Variants in ATP1A1 observed in about 807,000 individuals in gnomAD.
ATP1A1 encodes the protein ATPase Na+/K+ transporting subunit alpha 1.
In ATP1A1, 14 loss-of-function variants were observed where a neutral mutation model predicts 114.8. The observed-to-expected ratio is 0.12, with a 90% CI of 0.08 to 0.19. The LOEUF (loss-of-function observed/expected upper bound fraction) is 0.19, where lower values mean the gene tolerates loss of function less well. ATP1A1 is among the 10% of genes least tolerant of loss of function. ATP1A1 has a pLI of 1.00. For synonymous variants in ATP1A1, 471 were observed against 466.3 expected, an observed-to-expected ratio of 1.01 and a Z score of -0.13; for missense variants, 524 against 1,290.7, an observed-to-expected ratio of 0.41 and a Z score of 9.10.
rs1307576180 is a variant in ATP1A1, at chr1:116,401,831, GA to G, written c.2951+177del. On this transcript the variant is annotated intron_variant, in intron 21 of 22. Transcript: ENST00000295598. The surrounding 1 kb of genome is among the most constrained non-coding windows in gnomAD (Gnocchi z 4.7). ...TCAGTAAATCAGACTAACAAATCCT[GA>G]GGCTTCCATGATAGCAGCTAGTGTT... 2 of 639,558 alleles carry G rather than the reference GA, an allele frequency of 3.1e-6. No individual in the cohort carries two copies. The highest frequency in any genetic ancestry group is 2.7e-5 in the East Asian group (1 of 36,940). The allele number at this position is 639,558 out of a possible 1,614,324, so 39.6% of individuals were successfully genotyped here. A position where few individuals can be genotyped will look rare whatever the true frequency, so the allele number is the denominator to read the frequency against.
chr1:116,395,240 G>A lies in ATP1A1; in HGVS notation c.1791G>A (p.Ala597=), dbSNP rs964739335. The change falls in exon 13 of 23, where the codon GCG becomes GCA. Residue 597 remains alanine (A), a synonymous_variant. Coordinates refer to ENST00000295598, the MANE Select transcript of ATP1A1 (RefSeq NM_000701.8). The surrounding 1 kb of genome is among the most constrained non-coding windows in gnomAD (Gnocchi z 6.4). ...TCTCCATGATTGACCCTCCACGGGCGGCCGTTCCTGATGCCGTGGGCAAAT... is the reference window on the plus strand; with the variant it reads ...TCTCCATGATTGACCCTCCACGGGCAGCCGTTCCTGATGCCGTGGGCAAAT... ...GLISMIDPPR[A]AVPDAVGKCR... is the part of the protein sequence containing the mutation. 8.1e-6 allele frequency: 13 copies of A among 1,613,928 alleles called. No individual in the cohort carries two copies. Among genetic ancestry groups the A allele is most frequent in the African/African-American group, 2.7e-5 (2 of 74,900 alleles).
At chr1:116,383,099 T>C (rs1651852847) in intron 1 of ATP1A1, among the ~76,000 whole-genome samples, 1 of 152,152 alleles carries the variant, frequency 6.6e-6, no homozygotes. Flanking sequence ...GAATCAACAT[T>C]TTCTTTAAAA....
chr1:116,396,544 T>A, intron 13 of ATP1A1, 54 bp from the exon 14 acceptor site: 1 of 1,605,486 alleles, frequency 6.2e-7, no homozygotes, highest in Non-Finnish European at 8.5e-7. Context: ...GATATAAGAC[T>A]TTAAGGTCAT....
At chr1:116,400,410 A>T (rs896268218) in intron 18 of ATP1A1, among the ~76,000 whole-genome samples, 2 of 152,066 alleles carry the variant, frequency 1.3e-5, no homozygotes, top group African/African-American at 4.8e-5. Context: ...CAGGGGGAGG[A>T]GGGTCCTGAA....
Position 116,387,397 on chromosome 1 carries a change from G to C in ATP1A1, c.293G>C (p.Gly98Ala). 6.2e-7 allele frequency: 1 copy of C among 1,614,206 alleles called. No homozygotes were observed. The highest frequency in any genetic ancestry group is 8.5e-7 in the Non-Finnish European group (1 of 1,180,040). Residue 98 changes from glycine (G) to alanine (A), a missense_variant, in exon 4 of 23, where the codon GGG becomes GCG. Coordinates refer to ENST00000295598, the MANE Select transcript of ATP1A1 (RefSeq NM_000701.8). The surrounding 1 kb of genome is among the most constrained non-coding windows in gnomAD (Gnocchi z 6.7). ...EWIKFCRQLF[G>A]GFSMLLWIGA... ...ATCAAGTTTTGTCGGCAGCTCTTTG[G>C]GGGGTTCTCAATGTTACTGTGGATT...
chr1:116,393,175 CA>C lies in ATP1A1; in HGVS notation c.1467+191del, dbSNP rs1395701964. On this transcript the variant is annotated intron_variant, in intron 11 of 22. Coordinates refer to ENST00000295598, the MANE Select transcript of ATP1A1 (RefSeq NM_000701.8). The surrounding 1 kb of genome is among the most constrained non-coding windows in gnomAD (Gnocchi z 5.0). The stretch of plus-strand genomic sequence containing the variant: ...TCAGCAGGATAAATGAAGCCTCTTG[CA>C]AAACACTGTTGAGCCCTTTTGAATA... The C allele has an allele frequency of 1.1e-6, 1 of 951,036 alleles. No individual in the cohort carries two copies. The highest frequency in any genetic ancestry group is 1.5e-6 in the Non-Finnish European group (1 of 658,940). 58.9% of individuals were successfully genotyped at this position (951,036 alleles called of 1,614,324 possible). A position where few individuals can be genotyped will look rare whatever the true frequency, so the allele number is the denominator to read the frequency against.
Position 116,397,484 on chromosome 1 carries a change from TA to T in ATP1A1, c.1974-402del, listed in dbSNP as rs1322931822. Reference sequence around the variant, plus strand: ...ACAGGCCCCAACCACCATGCCCGGCTAATTTTTGAATTTTTAGACCACCATT... The same window carrying T: ...ACAGGCCCCAACCACCATGCCCGGCTATTTTTGAATTTTTAGACCACCATT... On this transcript the variant is annotated intron_variant, in intron 14 of 22. Transcript: ENST00000295598. This position sits in a 1 kb window ranked among gnomAD's most constrained non-coding sequence, Gnocchi z 4.2. Among the ~76,000 whole-genome samples the T allele has an allele frequency of 4.6e-5, 7 of 152,044 alleles. No individual in the cohort carries two copies. Among genetic ancestry groups the T allele is most frequent in the African/African-American group, 1.7e-4 (7 of 41,386 alleles).
chr1:116,373,559 G>C lies in ATP1A1; in HGVS notation c.12+36G>C, dbSNP rs1296757580. 8.4e-6 allele frequency: 12 copies of C among 1,428,394 alleles called. 1 individual carries two copies. The highest frequency in any genetic ancestry group is 1.1e-5 in the Non-Finnish European group (12 of 1,091,454). 88.5% of individuals were successfully genotyped at this position (1,428,394 alleles called of 1,614,324 possible). ...GGCGCGCCCGGGGAGGGGGCTCGGG[G>C]AGCCCTCGAGGGGAAGAGGAGGAAG... On this transcript the variant is annotated intron_variant, in intron 1 of 22. Transcript: ENST00000295598.
In ATP1A1 at chr1:116,388,524, T is replaced by C. The variant is rs1480515254; in HGVS notation, c.502-114T>C. On this transcript the variant is annotated intron_variant, in intron 5 of 22. Coordinates refer to ENST00000295598, the MANE Select transcript of ATP1A1 (RefSeq NM_000701.8). The surrounding 1 kb of genome is among the most constrained non-coding windows in gnomAD (Gnocchi z 5.6). ...CTTGTGTAAATAAAAAAGTGAATAATATCTTTGTTTTGTATTCAGGTAATT... is the reference window on the plus strand; with the variant it reads ...CTTGTGTAAATAAAAAAGTGAATAACATCTTTGTTTTGTATTCAGGTAATT... 7.2e-6 allele frequency: 10 copies of C among 1,391,712 alleles called. No homozygotes were observed. The highest frequency in any genetic ancestry group is 9.8e-6 in the Non-Finnish European group (10 of 1,025,024). The allele number at this position is 1,391,712 out of a possible 1,614,324, so 86.2% of individuals were successfully genotyped here.
chr1:116,373,958 C>A, intron 1 of ATP1A1: 1 of 1,354,186 alleles, frequency 7.4e-7, no homozygotes, highest in South Asian at 1.8e-5. Flanking sequence ...TTCCTTTTCC[C>A]TCCGCCCTCC....
At position 116,392,920 on chromosome 1, in the gene ATP1A1, G is replaced by A; in HGVS notation, c.1399G>A (p.Val467Met). The change falls in exon 11 of 23, where the codon GTG becomes ATG. Residue 467 changes from valine to methionine, a missense_variant. Transcript: ENST00000295598. ...LKCIELCCGS[V>M]KEMRERYAKI... is the part of the protein sequence containing the mutation. ...GTGCATAGAGCTGTGCTGTGGTTCC[G>A]TGAAGGAGATGAGAGAAAGATACGC... is the stretch of plus-strand genomic sequence containing the variant. 3 of 1,614,140 alleles carry A rather than the reference G, an allele frequency of 1.9e-6. No individual in the cohort carries two copies. Among genetic ancestry groups the A allele is most frequent in the Non-Finnish European group, 2.5e-6 (3 of 1,180,018 alleles).
At chr1:116,403,744 G>A in intron 21 of ATP1A1, 140 bp from the exon 22 acceptor site, 1 of 699,212 alleles carries the variant, frequency 1.4e-6, no homozygotes, top group Non-Finnish European at 2.5e-6. Flanking sequence ...TTCTGTTAAT[G>A]ACTCAGTAGT....
chr1:116,387,656 C>T lies in ATP1A1; in HGVS notation c.387+165C>T, dbSNP rs925479160. Among the ~76,000 whole-genome samples the T allele has an allele frequency of 6.6e-5, 10 of 152,238 alleles. No homozygotes were observed. The highest frequency in any genetic ancestry group is 2.6e-4 in the Admixed American group (4 of 15,284). On this transcript the variant is annotated intron_variant, in intron 4 of 22. Transcript: ENST00000295598. This position sits in a 1 kb window ranked among gnomAD's most constrained non-coding sequence, Gnocchi z 6.7. ...CTTCAAGGCTCATCCATTCTTCCTT[C>T]GTTTCCATTTCCTCTCTCTACCACC...
At chr1:116,403,195 T>G (rs1030405813) in intron 21 of ATP1A1, among the ~76,000 whole-genome samples, 1 of 152,194 alleles carries the variant, frequency 6.6e-6, no homozygotes, top group Non-Finnish European at 1.5e-5. Context: ...AGCTGCCTTG[T>G]CAGACACACA....
Position 116,384,430 on chromosome 1 carries a change from C to A in ATP1A1, c.123+306C>A, listed in dbSNP as rs1021775896. 6.6e-6 allele frequency among the ~76,000 whole-genome samples: 1 copy of A among 152,144 alleles called. No individual in the cohort carries two copies. Among genetic ancestry groups the A allele is most frequent in the Non-Finnish European group, 1.5e-5 (1 of 68,028 alleles). On this transcript the variant is annotated intron_variant, in intron 2 of 22. Transcript: ENST00000295598. This position sits in a 1 kb window ranked among gnomAD's most constrained non-coding sequence, Gnocchi z 5.1. The stretch of plus-strand genomic sequence containing the variant: ...CATTGGGAAATTCAGCCTCTCCAGG[C>A]GATGGAAGCTTCCATAGACTTAACC...
Position 116,401,290 on chromosome 1 carries a change from G to A in ATP1A1, c.2849+30G>A. On this transcript the variant is annotated intron_variant, in intron 20 of 22. Transcript: ENST00000295598. The surrounding 1 kb of genome is among the most constrained non-coding windows in gnomAD (Gnocchi z 4.7). The stretch of plus-strand genomic sequence containing the variant: ...GTAATGAAGGACATGTCAAGGCCTT[G>A]GCTCAAAGAAGGGGACTGGTGATTT... The A allele has an allele frequency of 6.2e-7, 1 of 1,612,858 alleles. No individual in the cohort carries two copies. The highest frequency in any genetic ancestry group is 8.5e-7 in the Non-Finnish European group (1 of 1,178,922).
chr1:116,389,908 C>G lies in ATP1A1; in HGVS notation c.1023+201C>G. 1.2e-6 allele frequency: 1 copy of G among 859,644 alleles called. No homozygotes were observed. Among genetic ancestry groups the G allele is most frequent in the Non-Finnish European group, 1.7e-6 (1 of 573,514 alleles). The allele number at this position is 859,644 out of a possible 1,614,324, so 53.3% of individuals were successfully genotyped here. ...GTTTATACGTAAGATAACCCCAAAG[C>G]ATACATTTTGCTTTTAAATTATCAC... On this transcript the variant is annotated intron_variant, in intron 8 of 22. Coordinates refer to ENST00000295598, the MANE Select transcript of ATP1A1 (RefSeq NM_000701.8). The surrounding 1 kb of genome is among the most constrained non-coding windows in gnomAD (Gnocchi z 6.9).
chr1:116,391,230 A>AC (rs1474376861), intron 10 of ATP1A1, among the ~76,000 whole-genome samples: 43 of 152,178 alleles, frequency 2.8e-4, no homozygotes, highest in Non-Finnish European at 5.4e-4. Context: ...TTATCACCTA[A>AC]CCTAGTGGAC....
rs1384539271 is a variant in ATP1A1, at chr1:116,389,080, C to T, written c.754+61C>T. 2 of 1,424,020 alleles carry T rather than the reference C, an allele frequency of 1.4e-6. No homozygotes were observed. Among genetic ancestry groups the T allele is most frequent in the Non-Finnish European group, 2.0e-6 (2 of 1,012,754 alleles). 88.2% of individuals were successfully genotyped at this position (1,424,020 alleles called of 1,614,324 possible). On this transcript the variant is annotated intron_variant, in intron 7 of 22. Transcript: ENST00000295598. This position sits in a 1 kb window ranked among gnomAD's most constrained non-coding sequence, Gnocchi z 6.9. ...TATTTCTCTTGGGCATTAACAAAAT[C>T]AAAACCATAGGCACAATCTCTTGTT...
Sources: gnomAD v4.1 joint callset for allele counts (sites outside exome capture counted in the v4.1 genomes callset) on GRCh38, gnomAD v4.1.1 for gene constraint, Gnocchi (gnomAD v3.1) non-coding constraint, MANE v1.5 for transcripts, NCBI Gene and HGNC (gene_info 2026-07-23, HGNC 2026-07-21) for gene names.